The following CACNA2D3 variants were observed in gnomAD, a reference collection of about 807,000 sequenced individuals.
CACNA2D3 encodes calcium voltage-gated channel auxiliary subunit alpha2delta 3.
CACNA2D3 carries 60 observed loss-of-function variants against 160.6 expected under a neutral mutation model. The observed-to-expected ratio is 0.37, with a 90% CI of 0.30 to 0.46. The LOEUF (loss-of-function observed/expected upper bound fraction) is 0.46. CACNA2D3 is among the 20% of genes least tolerant of loss of function. The pLI, the probability that CACNA2D3 is intolerant of heterozygous loss-of-function variation, is 1.00. For missense variants in CACNA2D3, 1,205 were observed against 1,365.0 expected (o/e 0.88, Z 1.85); for synonymous variants, 558 against 492.9 (o/e 1.13, Z -1.75).
intron 11 of CACNA2D3, among the ~76,000 whole-genome samples, chr3:54,715,124 G>T (rs906458140): frequency 2.6e-5 from 4 of 152,176 alleles, no homozygotes; most frequent in African/African-American, 9.7e-5. Flanking sequence ...GTAGTAGATT[G>T]TCACCTATAC....
intron 27 of CACNA2D3, chr3:54,924,579 G>C: frequency 1.4e-6 from 2 of 1,480,606 alleles, no homozygotes; most frequent in South Asian, 1.2e-5. Flanking sequence ...TCCTAGGCTG[G>C]TAACACACAG....
chr3:54,289,260 A>G (rs1254809345), intron 2 of CACNA2D3, among the ~76,000 whole-genome samples: 1 of 151,744 alleles, frequency 6.6e-6, no homozygotes, highest in Non-Finnish European at 1.5e-5. Flanking sequence ...TTATACACCA[A>G]TAACAGACAA....
chr3:54,389,556 A>G (rs1311960420), intron 4 of CACNA2D3, among the ~76,000 whole-genome samples: 1 of 152,142 alleles, frequency 6.6e-6, no homozygotes, highest in Non-Finnish European at 1.5e-5. Flanking sequence ...TAAACAAATA[A>G]TCGAAGTTAA....
chr3:54,176,317 AG>A (rs1700677159), intron 2 of CACNA2D3, among the ~76,000 whole-genome samples: 1 of 152,206 alleles, frequency 6.6e-6, no homozygotes, highest in African/African-American at 2.4e-5. Context: ...TATGTGTTTA[AG>A]GAAGAAACAG....
chr3:54,879,442 A>G, intron 20 of CACNA2D3, 31 bp downstream of exon 20: 1 of 1,455,080 alleles, frequency 6.9e-7, no homozygotes, highest in Non-Finnish European at 9.6e-7. Context: ...TGGACATTCC[A>G]TCAGACCCAT....
intron 27 of CACNA2D3, among the ~76,000 whole-genome samples, chr3:54,911,734 A>G (rs1056335679): frequency 4.6e-5 from 7 of 152,036 alleles, no homozygotes; most frequent in African/African-American, 1.7e-4. Flanking sequence ...TTTATTCTTC[A>G]TATGAGCCAC....
At chr3:54,515,025 T>C (rs1243151568) in intron 5 of CACNA2D3, among the ~76,000 whole-genome samples, 2 of 152,220 alleles carry the variant, frequency 1.3e-5, no homozygotes, top group Non-Finnish European at 1.5e-5. Flanking sequence ...CCTTTTATCA[T>C]GGAACGTCTC....
At chr3:54,548,155 C>T (rs1281675427) in intron 5 of CACNA2D3, among the ~76,000 whole-genome samples, 1 of 152,152 alleles carries the variant, frequency 6.6e-6, no homozygotes, top group Non-Finnish European at 1.5e-5. Flanking sequence ...CTGTATTTCC[C>T]CAGTCCCAGC....
At chr3:54,357,039 C>A (rs1409640225) in intron 3 of CACNA2D3, among the ~76,000 whole-genome samples, 1 of 152,150 alleles carries the variant, frequency 6.6e-6, no homozygotes. Flanking sequence ...TGGGGACTCA[C>A]CGTGAAAGGT....
chr3:55,074,322 C>CAGCATCTCATCATGATTTTAA lies in CACNA2D3; in HGVS notation c.*118_*138dup. 1 of 802,850 alleles carries CAGCATCTCATCATGATTTTAA rather than the reference C, an allele frequency of 1.2e-6. No homozygotes were observed. Among genetic ancestry groups the CAGCATCTCATCATGATTTTAA allele is most frequent in the Non-Finnish European group, 2.2e-6 (1 of 459,584 alleles). 49.7% of individuals were successfully genotyped at this position (802,850 alleles called of 1,614,324 possible). A position where few individuals can be genotyped will look rare whatever the true frequency, so the allele number is the denominator to read the frequency against. On this transcript the variant is annotated 3_prime_UTR_variant, in exon 38 of 38. Coordinates refer to ENST00000474759, the MANE Select transcript of CACNA2D3 (RefSeq NM_018398.3). The stretch of plus-strand genomic sequence containing the variant: ...CGAGACATGAATATAGTCCAACCAT[C>CAGCATCTCATCATGATTTTAA]AGCATCTCATCATGATTTTAAACTG...
intron 4 of CACNA2D3, among the ~76,000 whole-genome samples, chr3:54,407,382 T>A (rs917254720): frequency 2.0e-5 from 3 of 152,200 alleles, no homozygotes; most frequent in African/African-American, 4.8e-5. Context: ...ATCTAACTGA[T>A]GAAAGCATGC....
chr3:54,827,651 A>C (rs1358697156), intron 14 of CACNA2D3, among the ~76,000 whole-genome samples: 2 of 152,192 alleles, frequency 1.3e-5, no homozygotes, highest in Non-Finnish European at 2.9e-5. Flanking sequence ...GGCAAAATAC[A>C]CAAAGATATT....
chr3:54,602,860 A>C (rs1218972129), intron 9 of CACNA2D3, among the ~76,000 whole-genome samples: 1 of 152,158 alleles, frequency 6.6e-6, no homozygotes, highest in Middle Eastern at 3.2e-3. Flanking sequence ...TTATCTGACC[A>C]CTGGAAGAGG....
intron 9 of CACNA2D3, among the ~76,000 whole-genome samples, chr3:54,607,973 A>G (rs139955763): frequency 6.6e-6 from 1 of 151,132 alleles, no homozygotes; most frequent in East Asian, 1.9e-4. Flanking sequence ...ATAGTGATAG[A>G]AAATGATCAG....
chr3:54,817,897 C>G (rs1002489981), intron 14 of CACNA2D3, among the ~76,000 whole-genome samples: 2 of 152,178 alleles, frequency 1.3e-5, no homozygotes, highest in African/African-American at 4.8e-5. Flanking sequence ...CACAAAAGGA[C>G]GGAATACTTC....
chr3:54,332,224 C>T (rs934969218), intron 3 of CACNA2D3, among the ~76,000 whole-genome samples: 3 of 152,194 alleles, frequency 2.0e-5, no homozygotes, highest in African/African-American at 7.2e-5. Context: ...CCCATGTATC[C>T]TTCCTTTTTA....
At chr3:54,615,606 A>C (rs972733645) in intron 9 of CACNA2D3, among the ~76,000 whole-genome samples, 1 of 152,252 alleles carries the variant, frequency 6.6e-6, no homozygotes, top group African/African-American at 2.4e-5. Context: ...ACTGTGACAA[A>C]GTGAAACGTG....
At chr3:54,646,492 A>G (rs1255745111) in intron 11 of CACNA2D3, among the ~76,000 whole-genome samples, 1 of 151,922 alleles carries the variant, frequency 6.6e-6, no homozygotes, top group African/African-American at 2.4e-5. Flanking sequence ...AAGTGGGAAC[A>G]TGTGGTTTGG....
chr3:54,988,083 G>A (rs1441958663), intron 31 of CACNA2D3, among the ~76,000 whole-genome samples: 6 of 152,210 alleles, frequency 3.9e-5, no homozygotes, highest in Non-Finnish European at 7.3e-5. Context: ...TCACCTGGCC[G>A]GAAGGGTGGA....
Sources: allele counts gnomAD v4.1 joint callset (sites outside exome capture counted in the v4.1 genomes callset), GRCh38; gene constraint gnomAD v4.1.1; transcripts MANE v1.5; gene names NCBI Gene and HGNC (gene_info 2026-07-23, HGNC 2026-07-21).